ABCC1: variants seen among roughly 807,000 people sequenced by gnomAD.
The protein encoded by ABCC1 is ATP binding cassette subfamily C member 1 (ABCC1 blood group).
A neutral mutation model predicts 172.9 loss-of-function variants in ABCC1; 83 were observed. That is an observed-to-expected ratio of 0.48 (90% CI 0.40 to 0.58). ABCC1 has a LOEUF of 0.58. Among genes scored for constraint, ABCC1 ranks in the 20% least tolerant of loss-of-function variants. The pLI is 0.00. For missense variants in ABCC1, 1,817 were observed against 2,002.7 expected, an observed-to-expected ratio of 0.91 and a Z score of 1.77; for synonymous variants, 937 against 825.2, an observed-to-expected ratio of 1.14 and a Z score of -2.32.
At chr16:16,066,229 T>C (rs2050108954) in intron 12 of ABCC1, among the ~76,000 whole-genome samples, 1 of 152,216 alleles carries the variant, frequency 6.6e-6, no homozygotes, top group South Asian at 2.1e-4. Context: ...GTTGCCCACC[T>C]GAAGCGCAAT....
intron 18 of ABCC1, 142 bp from the exon 19 acceptor site, chr16:16,090,263 C>T (rs45542632): frequency 2.8e-5 from 21 of 754,420 alleles, no homozygotes; most frequent in Admixed American, 2.6e-4. Flanking sequence ...ATGCTGTTAT[C>T]GCGGGTGCAT....
intron 1 of ABCC1, among the ~76,000 whole-genome samples, chr16:15,965,789 G>T (rs540256104): frequency 8.6e-5 from 13 of 151,792 alleles, no homozygotes; most frequent in Non-Finnish European, 1.3e-4. Flanking sequence ...TAGAGATGGG[G>T]TTTCACCATG....
intron 17 of ABCC1, among the ~76,000 whole-genome samples, chr16:16,086,105 T>G (rs942721695): frequency 1.3e-5 from 2 of 152,186 alleles, no homozygotes; most frequent in African/African-American, 4.8e-5. Flanking sequence ...AACAATAATA[T>G]GACCACGTCC....
chr16:16,101,771 G>A (rs1472057778), intron 19 of ABCC1, among the ~76,000 whole-genome samples: 1 of 152,184 alleles, frequency 6.6e-6, no homozygotes, highest in African/African-American at 2.4e-5. Flanking sequence ...ACGACACACG[G>A]TGCCCAAGTG....
At chr16:15,983,077 G>A in intron 1 of ABCC1, among the ~76,000 whole-genome samples, 1 of 152,084 alleles carries the variant, frequency 6.6e-6, no homozygotes, top group East Asian at 1.9e-4. Context: ...TAAGTACTTA[G>A]CAGGCACAGT....
intron 14 of ABCC1, among the ~76,000 whole-genome samples, chr16:16,072,651 G>T (rs192012569): frequency 6.6e-6 from 1 of 151,978 alleles, no homozygotes; most frequent in East Asian, 1.9e-4. Context: ...ATTTTTATTG[G>T]CAGGTTTGTT....
rs991744513 is a variant in ABCC1, at chr16:16,048,083, G to A, written c.1219-59G>A. ...TCCTTCCTCTCCGTGGGTCTGGAGG[G>A]AGAGTCAGGCCTCTTCAGCTGCCAC... On this transcript the variant is annotated intron_variant, in intron 9 of 30. Coordinates refer to ENST00000399410, the MANE Select transcript of ABCC1 (RefSeq NM_004996.4). 3.8e-6 allele frequency: 6 copies of A among 1,586,658 alleles called. No homozygotes were observed. In the Admixed American group the frequency reaches 1.0e-4, roughly 27 times the overall value.
chr16:16,027,465 G>T (rs1401709260), intron 5 of ABCC1, among the ~76,000 whole-genome samples: 4 of 152,006 alleles, frequency 2.6e-5, no homozygotes, highest in African/African-American at 9.7e-5. Context: ...TGAACCCACT[G>T]GGGTTTTTTC....
At chr16:16,006,234 A>T (rs972376459) in intron 1 of ABCC1, among the ~76,000 whole-genome samples, 2 of 152,106 alleles carry the variant, frequency 1.3e-5, no homozygotes, top group African/African-American at 4.8e-5. Context: ...TTATTTAGTC[A>T]GTTGCCAGAT....
chr16:15,958,775 T>C (rs996694085), intron 1 of ABCC1, among the ~76,000 whole-genome samples: 2 of 152,172 alleles, frequency 1.3e-5, no homozygotes, highest in African/African-American at 4.8e-5. Flanking sequence ...TCTTAGAGGC[T>C]GAATGGTTGA....
chr16:16,138,608 C>T, intron 30 of ABCC1, 50 bp downstream of exon 30: 1 of 1,409,606 alleles, frequency 7.1e-7, no homozygotes, highest in Non-Finnish European at 9.5e-7. Context: ...TTGCCTTACT[C>T]ACTGGCTCAC....
rs185071047 is a variant in ABCC1 at position 16,025,797 on chromosome 16, G to T, written c.616-7312G>T. On this transcript the variant is annotated intron_variant, in intron 5 of 30. Coordinates refer to ENST00000399410, the MANE Select transcript of ABCC1 (RefSeq NM_004996.4). ...AAAGAACACATCACTCTGTTTGGAT[G>T]AATCAGGCTTTTCCTCCCTCTGCCT... Among the ~76,000 whole-genome samples, 40 of 152,332 alleles carry T rather than the reference G, an allele frequency of 2.6e-4. No individual in the cohort carries two copies. The East Asian group carries it at 3.1e-3, about 12-fold the overall frequency.
intron 12 of ABCC1, among the ~76,000 whole-genome samples, chr16:16,061,526 C>A (rs1031933081): frequency 1.3e-5 from 2 of 152,196 alleles, no homozygotes; most frequent in Admixed American, 1.3e-4. Flanking sequence ...GGACAGAATT[C>A]TCCCAGTTGA....
chr16:16,103,958 T>C (rs985308930), intron 20 of ABCC1, among the ~76,000 whole-genome samples: 1 of 152,102 alleles, frequency 6.6e-6, no homozygotes, highest in African/African-American at 2.4e-5. Context: ...AGTTTCTTCC[T>C]TCTGGTGGGT....
rs10673887 is a variant in ABCC1, at chr16:16,124,377, C to CTGTGTG, written c.3591-384_3591-379dup. 2.0e-3 allele frequency among the ~76,000 whole-genome samples: 90 copies of CTGTGTG among 44,824 alleles called. 3 individuals are homozygous for CTGTGTG. Among genetic ancestry groups the CTGTGTG allele is most frequent in the African/African-American group, 3.2e-3 (51 of 15,742 alleles). 29.4% of individuals were successfully genotyped at this position (44,824 alleles called of 152,430 possible). A position where few individuals can be genotyped will look rare whatever the true frequency, so the allele number is the denominator to read the frequency against. On this transcript the variant is annotated intron_variant, in intron 24 of 30. Coordinates refer to ENST00000399410, the MANE Select transcript of ABCC1 (RefSeq NM_004996.4). ...TATAGGAGTGACCCACTACGCCCGG[C>CTGTGTG]TGTGTGTGTGTGTGTGTGTGTGTGT...
At chr16:16,014,411 C>A in intron 3 of ABCC1, 80 bp from the exon 4 acceptor site, 1 of 1,508,186 alleles carries the variant, frequency 6.6e-7, no homozygotes, top group African/African-American at 1.4e-5. Flanking sequence ...TGCACCACTG[C>A]GCTCCAGCCT....
At chr16:16,097,145 C>T (rs1321939969) in intron 19 of ABCC1, among the ~76,000 whole-genome samples, 7 of 152,084 alleles carry the variant, frequency 4.6e-5, no homozygotes, top group South Asian at 4.1e-4. Flanking sequence ...GGGAGTCTCA[C>T]GCTGTTGCCC....
At chr16:16,040,643 C>T (rs1168209419) in intron 7 of ABCC1, among the ~76,000 whole-genome samples, 2 of 151,782 alleles carry the variant, frequency 1.3e-5, no homozygotes, top group Non-Finnish European at 2.9e-5. Flanking sequence ...GGTACATGTG[C>T]ACAATGTGCA....
At chr16:15,983,086 G>A (rs2046664669) in intron 1 of ABCC1, among the ~76,000 whole-genome samples, 1 of 152,120 alleles carries the variant, frequency 6.6e-6, no homozygotes, top group Non-Finnish European at 1.5e-5. Flanking sequence ...AGCAGGCACA[G>A]TACAAAGTAC....
Sources: gnomAD v4.1 joint callset for allele counts (sites outside exome capture counted in the v4.1 genomes callset) on GRCh38, gnomAD v4.1.1 for gene constraint, MANE v1.5 for transcripts, NCBI Gene and HGNC (gene_info 2026-07-23, HGNC 2026-07-21) for gene names.